The following RAP1A variants were observed in gnomAD, a reference collection of about 807,000 sequenced individuals.
The protein encoded by RAP1A is ras-related protein Rap-1A.
A neutral mutation model predicts 26.4 loss-of-function variants in RAP1A; 6 were observed. The observed-to-expected ratio is 0.23, with a 90% CI of 0.12 to 0.45. RAP1A has a LOEUF of 0.45. RAP1A is among the 20% of genes least tolerant of loss of function. The pLI, the probability that RAP1A is intolerant of heterozygous loss-of-function variation, is 0.99. For synonymous variants in RAP1A, 73 were observed against 79.4 expected (o/e 0.92, Z 0.43); for missense variants, 121 against 217.2 (o/e 0.56, Z 2.78).
intron 1 of RAP1A, among the ~76,000 whole-genome samples, chr1:111,652,734 A>G (rs1660313695): frequency 6.6e-6 from 1 of 152,178 alleles, no homozygotes; most frequent in Non-Finnish European, 1.5e-5. Context: ...GTTGGCCAGG[A>G]TGTAGAGAGA....
chr1:111,607,664 G>T (rs1463404509), intron 1 of RAP1A, among the ~76,000 whole-genome samples: 2 of 147,354 alleles, frequency 1.4e-5, no homozygotes, highest in African/African-American at 5.0e-5. Flanking sequence ...CGTCCCTCCC[G>T]GACGGGGCGG....
chr1:111,566,207 G>A (rs1350662005), intron 1 of RAP1A, among the ~76,000 whole-genome samples: 1 of 152,168 alleles, frequency 6.6e-6, no homozygotes, highest in African/African-American at 2.4e-5. Flanking sequence ...ATCATGTGGA[G>A]CATACACTGA....
At chr1:111,634,399 C>T (rs1659661556) in intron 1 of RAP1A, among the ~76,000 whole-genome samples, 1 of 151,674 alleles carries the variant, frequency 6.6e-6, no homozygotes, top group African/African-American at 2.4e-5. Context: ...CCAGTGTTTA[C>T]ATAGTATGAT....
Position 111,714,411 on chromosome 1 carries a change from T to C in RAP1A, c.*2010T>C, listed in dbSNP as rs907647704. The C allele has an allele frequency of 6.6e-6, 1 of 152,214 alleles. No individual in the cohort carries two copies. Among genetic ancestry groups the C allele is most frequent in the Non-Finnish European group, 1.5e-5 (1 of 68,030 alleles). The allele number at this position is 152,214 out of a possible 1,614,324, so 9.4% of individuals were successfully genotyped here. ...CCAGTAAAACTTTCTAAATACTACC[T>C]TGTCACATCTATTGTGTAGTTATTT... is the stretch of plus-strand genomic sequence containing the variant. On this transcript the variant is annotated 3_prime_UTR_variant, in exon 8 of 8. Coordinates refer to ENST00000369709, the MANE Select transcript of RAP1A (RefSeq NM_002884.4).
intron 1 of RAP1A, among the ~76,000 whole-genome samples, chr1:111,555,017 T>C (rs1657423999): frequency 6.6e-6 from 1 of 151,398 alleles, no homozygotes; most frequent in Non-Finnish European, 1.5e-5. Flanking sequence ...ATATAACACA[T>C]TTAAAAGTAA....
chr1:111,568,514 A>T (rs188720697), intron 1 of RAP1A, among the ~76,000 whole-genome samples: 77 of 152,204 alleles, frequency 5.1e-4, no homozygotes, highest in African/African-American at 1.7e-3. Flanking sequence ...ACCAGGCCCC[A>T]CCTCCAACAC....
chr1:111,637,811 T>A (rs1182567460), intron 1 of RAP1A, among the ~76,000 whole-genome samples: 2 of 152,116 alleles, frequency 1.3e-5, no homozygotes, highest in East Asian at 3.8e-4. Context: ...GTTTAAATGA[T>A]TTGTCTATAG....
intron 1 of RAP1A, among the ~76,000 whole-genome samples, chr1:111,682,218 C>T (rs1001901974): frequency 4.6e-5 from 7 of 152,208 alleles, no homozygotes; most frequent in Admixed American, 2.0e-4. Context: ...AAGGAAAAAC[C>T]GGTACCAGCC....
At chr1:111,549,679 C>A (rs1657183156) in intron 1 of RAP1A, among the ~76,000 whole-genome samples, 2 of 151,394 alleles carry the variant, frequency 1.3e-5, no homozygotes, top group Admixed American at 6.6e-5. Flanking sequence ...CAAGATCTCT[C>A]TCTCTGTCAC....
In RAP1A at chr1:111,635,915, G is replaced by A. The variant is rs200815899; in HGVS notation, c.-28+15981G>A. Among the ~76,000 whole-genome samples the A allele has an allele frequency of 7.9e-5, 12 of 152,188 alleles. 1 individual carries two copies. In the East Asian group the frequency reaches 2.1e-3, roughly 27 times the overall value. ...GAAACTGAGGTAAAAGATCCCTAGG[G>A]ACTGGAACAATATCTTATGCCATGT... On this transcript the variant is annotated intron_variant, in intron 1 of 7. Transcript: ENST00000369709.
chr1:111,545,185 T>C (rs1032934170), intron 1 of RAP1A, among the ~76,000 whole-genome samples: 3 of 152,110 alleles, frequency 2.0e-5, no homozygotes, highest in South Asian at 4.1e-4. Context: ...ATTTTCAACT[T>C]TTTGAGGAGC....
rs148767856 is a variant in RAP1A at position 111,580,311 on chromosome 1, C to A, written c.-28+37802C>A. On this transcript the variant is annotated intron_variant, in intron 1 of 7. Transcript: ENST00000356415. ...GCCAGGATCTAATGCTCTCACTGTG[C>A]TCCATGGCTAGATAAGATGGAGCAT... Among the ~76,000 whole-genome samples, 20 of 152,274 alleles carry A rather than the reference C, an allele frequency of 1.3e-4. No individual in the cohort carries two copies. The East Asian group carries it at 3.7e-3, about 28-fold the overall frequency.
intron 1 of RAP1A, among the ~76,000 whole-genome samples, chr1:111,689,128 A>G (rs1661591713): frequency 6.6e-6 from 1 of 152,012 alleles, no homozygotes. Context: ...AAGCTACTGC[A>G]CCTGGCCAGA....
intron 1 of RAP1A, among the ~76,000 whole-genome samples, chr1:111,635,933 T>C (rs946275268): frequency 1.3e-5 from 2 of 152,164 alleles, no homozygotes; most frequent in Non-Finnish European, 2.9e-5. Flanking sequence ...CAATATCTTA[T>C]GCCATGTATC....
chr1:111,651,562 T>A (rs1660271561), intron 1 of RAP1A, among the ~76,000 whole-genome samples: 1 of 150,706 alleles, frequency 6.6e-6, no homozygotes, highest in African/African-American at 2.4e-5. Flanking sequence ...CTGTCACCTC[T>A]GCCTCCCAGG....
chr1:111,598,038 A>G (rs1248473445), intron 1 of RAP1A, among the ~76,000 whole-genome samples: 1 of 152,222 alleles, frequency 6.6e-6, no homozygotes, highest in Non-Finnish European at 1.5e-5. Flanking sequence ...ATTTCATTTA[A>G]TTCTCACAAC....
chr1:111,578,595 G>T (rs1284453447), intron 1 of RAP1A, among the ~76,000 whole-genome samples: 1 of 151,372 alleles, frequency 6.6e-6, no homozygotes, highest in Non-Finnish European at 1.5e-5. Flanking sequence ...GAGTGTAAAA[G>T]GAAAAAAAAA....
intron 1 of RAP1A, among the ~76,000 whole-genome samples, chr1:111,556,846 T>C (rs1284841201): frequency 6.6e-6 from 1 of 152,116 alleles, no homozygotes; most frequent in Non-Finnish European, 1.5e-5. Flanking sequence ...AATGTGAATG[T>C]CCTTAATGTC....
chr1:111,622,765 T>C (rs1015979052), intron 1 of RAP1A, among the ~76,000 whole-genome samples: 1 of 152,224 alleles, frequency 6.6e-6, no homozygotes, highest in Non-Finnish European at 1.5e-5. Flanking sequence ...TTAGCTTACC[T>C]CTCTTCAACA....
Sources: gnomAD v4.1 joint callset for allele counts (sites outside exome capture counted in the v4.1 genomes callset) on GRCh38, gnomAD v4.1.1 for gene constraint, MANE v1.5 for transcripts, NCBI Gene and HGNC (gene_info 2026-07-23, HGNC 2026-07-21) for gene names.